Variants in RIMS2 observed in about 807,000 individuals in gnomAD.
RIMS2 encodes the protein regulating synaptic membrane exocytosis 2.
In RIMS2, 59 loss-of-function variants were observed where a neutral mutation model predicts 174.4. The ratio of observed to expected loss-of-function variants is 0.34; its 90% CI spans 0.27 to 0.42. RIMS2 has a LOEUF of 0.42. RIMS2 is among the 10% of genes least tolerant of loss of function. The pLI is 1.00. For synonymous variants in RIMS2, 606 were observed against 572.5 expected (o/e 1.06, Z -0.84); for missense variants, 1,620 against 1,666.3 (o/e 0.97, Z 0.48).
intron 2 of RIMS2, among the ~76,000 whole-genome samples, chr8:103,698,267 G>T (rs1019791916): frequency 6.6e-6 from 1 of 152,102 alleles, no homozygotes; most frequent in Non-Finnish European, 1.5e-5. Context: ...GCTAGAAACT[G>T]CAGTATAATT....
At chr8:104,143,394 T>C (rs78417308) in intron 19 of RIMS2, among the ~76,000 whole-genome samples, 3,935 of 152,248 alleles carry the variant, frequency 0.026, 141 homozygotes, top group African/African-American at 0.087. Flanking sequence ...TTTTTGTTGC[T>C]GTTTTTTTTC....
At chr8:104,213,888 A>AAAAAG (rs778544122) in intron 19 of RIMS2, among the ~76,000 whole-genome samples, 29 of 148,108 alleles carry the variant, frequency 2.0e-4, no homozygotes, top group Non-Finnish European at 4.4e-5. Flanking sequence ...AAAAAAAAAA[A>AAAAAG]AAGAAGAAGA....
chr8:104,014,570 G>C, exon 19 of RIMS2: 1 of 1,613,152 alleles, frequency 6.2e-7, no homozygotes, highest in Non-Finnish European at 8.5e-7. Context: ...AGGACGAAGG[G>C]GCCGACAGCT....
At chr8:103,947,113 A>G (rs1407624964) in intron 14 of RIMS2, among the ~76,000 whole-genome samples, 1 of 152,322 alleles carries the variant, frequency 6.6e-6, no homozygotes, top group East Asian at 1.9e-4. Context: ...AAAATGGATA[A>G]TAGACCCAGC....
chr8:103,769,553 T>C (rs939416134), intron 3 of RIMS2, among the ~76,000 whole-genome samples: 1 of 152,204 alleles, frequency 6.6e-6, no homozygotes, highest in Non-Finnish European at 1.5e-5. Flanking sequence ...CTCATATTCC[T>C]GAACTGAGAT....
intron 4 of RIMS2, among the ~76,000 whole-genome samples, chr8:103,902,830 C>A (rs1191868516): frequency 2.0e-5 from 3 of 152,124 alleles, no homozygotes; most frequent in African/African-American, 7.2e-5. Context: ...AAAAGTCCTA[C>A]ACTCAAGAAA....
intron 19 of RIMS2, among the ~76,000 whole-genome samples, chr8:104,042,691 G>C (rs2096628946): frequency 6.6e-6 from 1 of 151,552 alleles, no homozygotes; most frequent in Non-Finnish European, 1.5e-5. Context: ...CAAGTTTCAG[G>C]GGAAAGATAG....
chr8:103,928,853 G>A (rs1018595809), intron 11 of RIMS2, among the ~76,000 whole-genome samples: 10 of 151,362 alleles, frequency 6.6e-5, no homozygotes, highest in Admixed American at 5.3e-4. Context: ...CCAGAATTGT[G>A]AAGATATGTT....
chr8:103,845,662 G>A (rs1374121228), intron 3 of RIMS2, among the ~76,000 whole-genome samples: 1 of 151,992 alleles, frequency 6.6e-6, no homozygotes, highest in Admixed American at 6.6e-5. Context: ...TGTCAAATAT[G>A]CTTTTTGCTA....
chr8:103,809,400 TC>T (rs2098672317), intron 3 of RIMS2, among the ~76,000 whole-genome samples: 1 of 152,126 alleles, frequency 6.6e-6, no homozygotes. Context: ...GTCTCTGTCT[TC>T]CCTGCTATAT....
Position 103,691,281 on chromosome 8 carries a change from C to T in RIMS2, c.177-5805C>T, listed in dbSNP as rs540052658. Among the ~76,000 whole-genome samples the T allele has an allele frequency of 1.7e-4, 26 of 152,140 alleles. 1 individual carries two copies. In the South Asian group the frequency reaches 5.4e-3, roughly 32 times the overall value. Reference sequence around the variant, plus strand: ...TTATCCCTTCGAACGAACTTTTACCCCATCTCTGTCTATATATTTAAGGCC... The same window carrying T: ...TTATCCCTTCGAACGAACTTTTACCTCATCTCTGTCTATATATTTAAGGCC... On this transcript the variant is annotated intron_variant, in intron 1 of 23. Coordinates refer to ENST00000504942, the Ensembl canonical transcript of RIMS2.
chr8:103,961,236 C>T (rs2089961790), intron 15 of RIMS2, 103 bp downstream of exon 17: 1 of 675,486 alleles, frequency 1.5e-6, no homozygotes, highest in South Asian at 1.8e-5. Context: ...AACTCGTCTT[C>T]TCACCCTCCA....
chr8:103,730,239 A>G (rs984496094), intron 2 of RIMS2, among the ~76,000 whole-genome samples: 11 of 150,300 alleles, frequency 7.3e-5, no homozygotes, highest in African/African-American at 2.5e-4. Flanking sequence ...TTTGCTTTCT[A>G]TTTCTGGGTG....
At chr8:103,593,855 AAG>A (rs2094373833) in intron 1 of RIMS2, among the ~76,000 whole-genome samples, 1 of 151,358 alleles carries the variant, frequency 6.6e-6, no homozygotes, top group Non-Finnish European at 1.5e-5. Flanking sequence ...AATTTCTAAA[AAG>A]TAGATAGAAA....
At chr8:103,966,998 G>A (rs1436251096) in intron 15 of RIMS2, among the ~76,000 whole-genome samples, 1 of 151,538 alleles carries the variant, frequency 6.6e-6, no homozygotes, top group Admixed American at 6.6e-5. Flanking sequence ...TGTGTTTTAT[G>A]GCCCAGAATA....
chr8:104,043,673 T>C (rs1205173301), intron 19 of RIMS2, among the ~76,000 whole-genome samples: 2 of 151,614 alleles, frequency 1.3e-5, no homozygotes, highest in Non-Finnish European at 3.0e-5. Context: ...AGCAGGTTAT[T>C]ATGAGAGACA....
At chr8:103,880,351 T>C in intron 3 of RIMS2, 1 of 232,978 alleles carries the variant, frequency 4.3e-6, no homozygotes, top group Non-Finnish European at 8.2e-6. Context: ...AGTACCATAA[T>C]CCTCCTTACA....
intron 17 of RIMS2, among the ~76,000 whole-genome samples, chr8:103,995,785 G>A (rs970754871): frequency 6.6e-6 from 1 of 151,934 alleles, no homozygotes; most frequent in African/African-American, 2.4e-5. Flanking sequence ...GGGAAGACTG[G>A]GGTCTGAAGG....
At chr8:103,505,846 A>T (rs953850015) in intron 1 of RIMS2, among the ~76,000 whole-genome samples, 4 of 152,100 alleles carry the variant, frequency 2.6e-5, no homozygotes, top group Non-Finnish European at 5.9e-5. Context: ...GAGCCTTTTT[A>T]AAAAAATTTG....
Sources: gnomAD v4.1 joint callset for allele counts (sites outside exome capture counted in the v4.1 genomes callset) on GRCh38, gnomAD v4.1.1 for gene constraint, MANE v1.5 for transcripts, NCBI Gene and HGNC (gene_info 2026-07-23, HGNC 2026-07-21) for gene names.